The following IMMP2L variants were observed in gnomAD, a reference collection of about 807,000 sequenced individuals.
IMMP2L encodes the protein mitochondrial inner membrane protease subunit 2.
Under a neutral mutation model 19.3 loss-of-function variants are expected in IMMP2L, and 18 were observed. The observed-to-expected ratio is 0.93, with a 90% CI of 0.64 to 1.38. The LOEUF (loss-of-function observed/expected upper bound fraction) is 1.38. IMMP2L is among the 40% of genes most tolerant of loss of function. The pLI is 0.00. For missense variants in IMMP2L, 233 were observed against 218.2 expected (o/e 1.07, Z -0.43); for synonymous variants, 76 against 73.0 (o/e 1.04, Z -0.21).
At chr7:111,347,396 C>T (rs935912937) in intron 3 of IMMP2L, among the ~76,000 whole-genome samples, 6 of 152,030 alleles carry the variant, frequency 3.9e-5, no homozygotes, top group Admixed American at 6.6e-5. Context: ...AAGGTAAAAA[C>T]GATTAAGAAG....
intron 5 of IMMP2L, among the ~76,000 whole-genome samples, chr7:110,884,860 G>GA (rs1319634709): frequency 7.9e-5 from 12 of 151,336 alleles, no homozygotes; most frequent in Admixed American, 7.2e-4. Context: ...ATTGCAACTA[G>GA]AAAAAAAAGA....
At chr7:110,673,495 T>A (rs2130362912) in intron 5 of IMMP2L, among the ~76,000 whole-genome samples, 1 of 152,326 alleles carries the variant, frequency 6.6e-6, no homozygotes, top group South Asian at 2.1e-4. Flanking sequence ...CTGGGTTGAA[T>A]TTTTCCCAAG....
rs192100999 is a variant in IMMP2L, at chr7:111,136,298, T to C, written c.240-172733A>G. On this transcript the variant is annotated intron_variant, in intron 3 of 5. Transcript: ENST00000405709. ...GCCTTGGCCTCCCAAAGTGTTGGGA[T>C]TGCAGGCGTGAGCCACTGCGCCCAG... Among the ~76,000 whole-genome samples, 1,335 of 152,290 alleles carry C rather than the reference T, an allele frequency of 8.8e-3. 16 individuals carry two copies. Among genetic ancestry groups the C allele is most frequent in the South Asian group, 0.012 (60 of 4,828 alleles).
At chr7:111,188,969 A>G (rs1200860440) in intron 3 of IMMP2L, among the ~76,000 whole-genome samples, 1 of 152,172 alleles carries the variant, frequency 6.6e-6, no homozygotes, top group Admixed American at 6.6e-5. Flanking sequence ...GCTAATAAAA[A>G]AGTTCCTCCT....
chr7:110,801,835 G>T (rs1801267000), intron 5 of IMMP2L, among the ~76,000 whole-genome samples: 2 of 152,100 alleles, frequency 1.3e-5, no homozygotes, highest in African/African-American at 4.8e-5. Flanking sequence ...ATTGGGTTGG[G>T]TGACACAGCT....
intron 3 of IMMP2L, among the ~76,000 whole-genome samples, chr7:110,987,742 T>C (rs1822008509): frequency 6.6e-6 from 1 of 152,122 alleles, no homozygotes; most frequent in African/African-American, 2.4e-5. Context: ...GAACAGAATA[T>C]CTTTTTGGCC....
At chr7:111,116,658 ACT>A (rs1372113765) in intron 3 of IMMP2L, among the ~76,000 whole-genome samples, 2 of 152,138 alleles carry the variant, frequency 1.3e-5, no homozygotes, top group African/African-American at 4.8e-5. Flanking sequence ...CGATGTGATT[ACT>A]CTCACATAGC....
intron 4 of IMMP2L, among the ~76,000 whole-genome samples, chr7:110,913,600 A>AT (rs1429356193): frequency 1.3e-5 from 2 of 152,194 alleles, no homozygotes; most frequent in Admixed American, 6.6e-5. Context: ...GAATTAAAAG[A>AT]TAAAAATTTA....
In IMMP2L at chr7:110,924,046, G is replaced by A. The variant is rs1310480524; in HGVS notation, c.306-37351C>T. Among the ~76,000 whole-genome samples the A allele has an allele frequency of 1.3e-5, 2 of 152,106 alleles. No individual in the cohort carries two copies. Among genetic ancestry groups the A allele is most frequent in the Admixed American group, 1.3e-4 (2 of 15,272 alleles). Reference sequence around the variant, plus strand: ...TTGTAGCTCAGTCTCAAGTTTACCTGAGTCTAATGTATGACAAAGGAATGA... The same window carrying A: ...TTGTAGCTCAGTCTCAAGTTTACCTAAGTCTAATGTATGACAAAGGAATGA... On this transcript the variant is annotated intron_variant, in intron 4 of 5. Transcript: ENST00000405709. The surrounding 1 kb of genome is among the most constrained non-coding windows in gnomAD (Gnocchi z 4.2).
intron 3 of IMMP2L, among the ~76,000 whole-genome samples, chr7:111,057,389 G>T (rs1177824866): frequency 2.0e-5 from 3 of 146,450 alleles, no homozygotes; most frequent in Non-Finnish European, 4.5e-5. Context: ...TTTTTCTATT[G>T]TAATTCTTAT....
chr7:110,978,987 T>C (rs1185538615), intron 3 of IMMP2L, among the ~76,000 whole-genome samples: 1 of 152,060 alleles, frequency 6.6e-6, no homozygotes, highest in Non-Finnish European at 1.5e-5. Flanking sequence ...TAGAAATTTA[T>C]ATTATTTATG....
At chr7:111,309,322 G>T (rs1823242103) in intron 3 of IMMP2L, among the ~76,000 whole-genome samples, 1 of 151,974 alleles carries the variant, frequency 6.6e-6, no homozygotes, top group Non-Finnish European at 1.5e-5. Flanking sequence ...TCAATTTTTT[G>T]GAAATAAACA....
At chr7:110,778,597 C>A (rs1799544949) in intron 5 of IMMP2L, among the ~76,000 whole-genome samples, 1 of 151,930 alleles carries the variant, frequency 6.6e-6, no homozygotes, top group African/African-American at 2.4e-5. Flanking sequence ...AGCTCTAGGA[C>A]AGCTGCTCTT....
intron 1 of IMMP2L, 94 bp from the exon 2 acceptor site, chr7:111,521,543 A>G (rs972614064): frequency 9.1e-6 from 10 of 1,095,490 alleles, no homozygotes; most frequent in Non-Finnish European, 1.3e-5. Flanking sequence ...GAGTTACCGA[A>G]GGGCAATCTT....
intron 3 of IMMP2L, among the ~76,000 whole-genome samples, chr7:111,012,194 C>T (rs1326981413): frequency 6.6e-6 from 1 of 151,962 alleles, no homozygotes; most frequent in Non-Finnish European, 1.5e-5. Context: ...TTTGATATGG[C>T]TAATTTTCAT....
At chr7:110,865,934 C>T (rs1017193350) in intron 5 of IMMP2L, among the ~76,000 whole-genome samples, 1 of 151,638 alleles carries the variant, frequency 6.6e-6, no homozygotes, top group South Asian at 2.1e-4. Context: ...TTCAGAAATT[C>T]TCTAGGCATG....
intron 4 of IMMP2L, among the ~76,000 whole-genome samples, chr7:110,939,194 A>C (rs2129552752): frequency 6.6e-6 from 1 of 152,228 alleles, no homozygotes; most frequent in African/African-American, 2.4e-5. Context: ...ATTCTGATTT[A>C]ACTGGTCTGA....
chr7:111,173,067 C>G (rs571635735), intron 3 of IMMP2L, among the ~76,000 whole-genome samples: 2 of 151,542 alleles, frequency 1.3e-5, no homozygotes, highest in African/African-American at 2.4e-5. Flanking sequence ...CAAAGAATAA[C>G]TGAGAGTTTA....
intron 3 of IMMP2L, among the ~76,000 whole-genome samples, chr7:111,389,275 A>C (rs1832098704): frequency 6.6e-6 from 1 of 152,164 alleles, no homozygotes; most frequent in African/African-American, 2.4e-5. Context: ...AGATTAATGA[A>C]GATTCCAGAT....
Sources: allele counts gnomAD v4.1 joint callset (sites outside exome capture counted in the v4.1 genomes callset), GRCh38; gene constraint gnomAD v4.1.1; non-coding constraint Gnocchi (gnomAD v3.1); transcripts MANE v1.5; gene names NCBI Gene and HGNC (gene_info 2026-07-23, HGNC 2026-07-21).